Variants in GPR39 observed in about 807,000 individuals in gnomAD.
The protein encoded by GPR39 is zinc sensing receptor.
Under a neutral mutation model 18.4 loss-of-function variants are expected in GPR39, and 23 were observed. The observed-to-expected ratio is 1.25, with a 90% CI of 0.90 to 1.77. The LOEUF (loss-of-function observed/expected upper bound fraction) is 1.77. Ranked by LOEUF, GPR39 falls within the 40% of genes most tolerant of loss-of-function variation. The pLI is 0.00. For synonymous variants in GPR39, 280 were observed against 257.9 expected, an observed-to-expected ratio of 1.09 and a Z score of -0.82; for missense variants, 647 against 602.4, an observed-to-expected ratio of 1.07 and a Z score of -0.78.
At chr2:132,627,576 G>A (rs1681574283) in intron 1 of GPR39, among the ~76,000 whole-genome samples, 1 of 152,178 alleles carries the variant, frequency 6.6e-6, no homozygotes, top group Non-Finnish European at 1.5e-5. Context: ...CAATGAAAAT[G>A]AAGATAAGAG....
chr2:132,471,227 A>G (rs1422129161), intron 1 of GPR39, among the ~76,000 whole-genome samples: 3 of 152,142 alleles, frequency 2.0e-5, no homozygotes, highest in African/African-American at 7.2e-5. Flanking sequence ...AGATGTGACC[A>G]GGAAATGAGA....
chr2:132,564,902 C>T (rs1320352231), intron 1 of GPR39, among the ~76,000 whole-genome samples: 1 of 146,844 alleles, frequency 6.8e-6, no homozygotes, highest in Non-Finnish European at 1.5e-5. Context: ...CCACAACCTC[C>T]ACCTCCCAGG....
At chr2:132,482,473 T>C (rs1473439438) in intron 1 of GPR39, among the ~76,000 whole-genome samples, 2 of 152,194 alleles carry the variant, frequency 1.3e-5, no homozygotes. Context: ...CGAGCTGGGC[T>C]GGCACAGGTA....
rs144260605 is a variant in GPR39 at position 132,628,714 on chromosome 2, C to A, written c.857-16387C>A. On this transcript the variant is annotated intron_variant, in intron 1 of 1. Coordinates refer to ENST00000329321, the MANE Select transcript of GPR39 (RefSeq NM_001508.3). The stretch of plus-strand genomic sequence containing the variant: ...AAGTACCCTTACCCTAATATAAACA[C>A]CCTATATTTTCTAAGTACCATTACC... Among the ~76,000 whole-genome samples the A allele has an allele frequency of 8.3e-4, 127 of 152,238 alleles. 1 individual carries two copies. Among genetic ancestry groups the A allele is most frequent in the African/African-American group, 2.9e-3 (122 of 41,560 alleles).
chr2:132,577,154 C>T lies in GPR39; in HGVS notation c.857-67947C>T, dbSNP rs1345046828. Among the ~76,000 whole-genome samples, 5 of 151,470 alleles carry T rather than the reference C, an allele frequency of 3.3e-5. No individual in the cohort carries two copies. In the South Asian group the frequency reaches 6.2e-4, roughly 19 times the overall value. On this transcript the variant is annotated intron_variant, in intron 1 of 1. Coordinates refer to ENST00000329321, the MANE Select transcript of GPR39 (RefSeq NM_001508.3). ...GGGGTATCACTTGAGCTCAGGAGTT[C>T]GAGACCAGCCTGGGCAACACGGTGA...
In GPR39 at chr2:132,465,887, T is replaced by TA. The variant is rs1680919433; in HGVS notation, c.856+47993dup. On this transcript the variant is annotated intron_variant, in intron 1 of 1. Transcript: ENST00000329321. The stretch of plus-strand genomic sequence containing the variant: ...AATGTATCTGAACTGTTGCTTAGCA[T>TA]AAAATAACTGCTTCTTAAACTTGGG... 3.9e-5 allele frequency among the ~76,000 whole-genome samples: 6 copies of TA among 152,346 alleles called. No homozygotes were observed. The South Asian group carries it at 1.2e-3, about 32-fold the overall frequency.
intron 1 of GPR39, among the ~76,000 whole-genome samples, chr2:132,613,069 T>C (rs1558858845): frequency 6.6e-6 from 1 of 152,234 alleles, no homozygotes; most frequent in Non-Finnish European, 1.5e-5. Flanking sequence ...TTATGAACTG[T>C]ACCATTTTAA....
intron 1 of GPR39, among the ~76,000 whole-genome samples, chr2:132,466,630 T>C (rs1420644107): frequency 6.6e-6 from 1 of 152,202 alleles, no homozygotes; most frequent in African/African-American, 2.4e-5. Context: ...CTGGACCCTT[T>C]TGAGGAAACT....
Position 132,492,777 on chromosome 2 carries a change from T to C in GPR39, c.856+74879T>C, listed in dbSNP as rs1041727550. Reference sequence around the variant, plus strand: ...ATACCATATATATACATTCCATATATATACCATATATATACCATATATACC... The same window carrying C: ...ATACCATATATATACATTCCATATACATACCATATATATACCATATATACC... On this transcript the variant is annotated intron_variant, in intron 1 of 1. Coordinates refer to ENST00000329321, the MANE Select transcript of GPR39 (RefSeq NM_001508.3). Among the ~76,000 whole-genome samples the C allele has an allele frequency of 9.4e-3, 185 of 19,736 alleles. 1 individual carries two copies. The highest frequency in any genetic ancestry group is 0.027 in the Non-Finnish European group (123 of 4,516). The allele number at this position is 19,736 out of a possible 152,430, so 12.9% of individuals were successfully genotyped here.
intron 1 of GPR39, among the ~76,000 whole-genome samples, chr2:132,492,612 ATC>A (rs1438128308): frequency 4.1e-5 from 4 of 96,394 alleles, no homozygotes; most frequent in Non-Finnish European, 7.6e-5. Flanking sequence ...TATACACACC[ATC>A]TATATATACA....
chr2:132,627,714 C>T (rs1202790722), intron 1 of GPR39, among the ~76,000 whole-genome samples: 2 of 152,124 alleles, frequency 1.3e-5, no homozygotes, highest in Non-Finnish European at 2.9e-5. Flanking sequence ...TTTCAGTGCC[C>T]AGAGCTGTGT....
intron 1 of GPR39, among the ~76,000 whole-genome samples, chr2:132,491,709 C>T (rs13001535): frequency 0.61 from 91,771 of 151,504 alleles, 28,373 homozygotes; most frequent in Non-Finnish European, 0.65. Context: ...TATAGTAATC[C>T]GGGTGTGAAT....
At position 132,417,744 on chromosome 2, in the gene GPR39, C is replaced by T. The variant is rs764537017; in HGVS notation, c.702C>T (p.Val234=). 4 of 1,614,078 alleles carry T rather than the reference C, an allele frequency of 2.5e-6. No individual in the cohort carries two copies. Among genetic ancestry groups the T allele is most frequent in the African/African-American group, 1.3e-5 (1 of 74,936 alleles). The part of the protein sequence containing the change: ...IFGAFVVYLV[V]LLSVAFMCWN... ...GCGCCTTCGTGGTCTACCTCGTGGT[C>T]CTGCTCTCCGTAGCCTTCATGTGCT... The change falls in exon 1 of 2, where the codon GTC becomes GTT. Residue 234 remains valine (V), a synonymous_variant. Transcript: ENST00000329321.
chr2:132,517,464 A>G (rs919259035), intron 1 of GPR39, among the ~76,000 whole-genome samples: 1 of 152,136 alleles, frequency 6.6e-6, no homozygotes, highest in African/African-American at 2.4e-5. Flanking sequence ...GTGCCCTGTG[A>G]AGCATGTGAC....
At chr2:132,433,911 T>C (rs1316966730) in intron 1 of GPR39, 2 of 151,718 alleles carry the variant, frequency 1.3e-5, no homozygotes, top group African/African-American at 4.8e-5. Flanking sequence ...GCGAAGTCAT[T>C]ATATGACAAC....
At chr2:132,563,411 C>T (rs931631998) in intron 1 of GPR39, among the ~76,000 whole-genome samples, 4 of 152,120 alleles carry the variant, frequency 2.6e-5, no homozygotes, top group African/African-American at 7.2e-5. Context: ...AGTGAGACCT[C>T]GTGTCTACAA....
At chr2:132,562,231 C>T (rs1573668651) in intron 1 of GPR39, among the ~76,000 whole-genome samples, 2 of 152,140 alleles carry the variant, frequency 1.3e-5, no homozygotes, top group African/African-American at 2.4e-5. Context: ...TCTCTTCTCC[C>T]TCAGACTGAT....
chr2:132,448,082 C>T (rs1680570796), intron 1 of GPR39, among the ~76,000 whole-genome samples: 1 of 152,246 alleles, frequency 6.6e-6, no homozygotes, highest in Admixed American at 6.5e-5. Flanking sequence ...GTGGAAATAG[C>T]AAGGTAAGGA....
intron 1 of GPR39, among the ~76,000 whole-genome samples, chr2:132,581,004 A>C (rs1407423258): frequency 6.6e-6 from 1 of 151,808 alleles, no homozygotes; most frequent in Non-Finnish European, 1.5e-5. Flanking sequence ...AAAACAACAA[A>C]AAAACTGCAA....
Sources: allele counts gnomAD v4.1 joint callset (sites outside exome capture counted in the v4.1 genomes callset), GRCh38; gene constraint gnomAD v4.1.1; transcripts MANE v1.5; gene names NCBI Gene and HGNC (gene_info 2026-07-23, HGNC 2026-07-21).